The following KLHL24 variants were observed in gnomAD, a reference collection of about 807,000 sequenced individuals.
KLHL24 encodes the protein kelch like family member 24.
In KLHL24, 29 loss-of-function variants were observed where a neutral mutation model predicts 53.4. The observed-to-expected ratio is 0.54, with a 90% CI of 0.40 to 0.74. KLHL24 has a LOEUF of 0.74. KLHL24 is among the 30% of genes least tolerant of loss of function. The pLI, the probability that KLHL24 is intolerant of heterozygous loss-of-function variation, is 0.00. For synonymous variants in KLHL24, 222 were observed against 253.7 expected (o/e 0.88, Z 1.19); for missense variants, 504 against 744.0 (o/e 0.68, Z 3.75).
At chr3:183,641,230 C>T (rs1218835106) in intron 1 of KLHL24, among the ~76,000 whole-genome samples, 1 of 152,094 alleles carries the variant, frequency 6.6e-6, no homozygotes, top group Non-Finnish European at 1.5e-5. Context: ...CACAGTGGCT[C>T]ACGCCTGTAA....
chr3:183,665,297 A>G (rs1370498967), intron 5 of KLHL24, among the ~76,000 whole-genome samples: 1 of 152,214 alleles, frequency 6.6e-6, no homozygotes, highest in African/African-American at 2.4e-5. Context: ...CCAAATGCCT[A>G]AGAAGCATTG....
At chr3:183,647,808 A>G (rs558224883) in intron 2 of KLHL24, among the ~76,000 whole-genome samples, 4 of 152,170 alleles carry the variant, frequency 2.6e-5, no homozygotes, top group African/African-American at 4.8e-5. Flanking sequence ...GTTCAAGACC[A>G]GCCTAGCTAA....
At chr3:183,661,881 GATTA>G in intron 3 of KLHL24, among the ~76,000 whole-genome samples, 1 of 152,202 alleles carries the variant, frequency 6.6e-6, no homozygotes, top group Middle Eastern at 3.4e-3. Context: ...TGTTTTGATT[GATTA>G]ATAAATAAGA....
chr3:183,639,960 G>C (rs1337873448), intron 1 of KLHL24, among the ~76,000 whole-genome samples: 1 of 152,126 alleles, frequency 6.6e-6, no homozygotes, highest in Non-Finnish European at 1.5e-5. Context: ...GGGAGGTGGG[G>C]GTTGCAGTGA....
intron 5 of KLHL24, among the ~76,000 whole-genome samples, chr3:183,667,409 T>G (rs1351649323): frequency 6.6e-6 from 1 of 152,148 alleles, no homozygotes; most frequent in Non-Finnish European, 1.5e-5. Context: ...TGCACAGCAG[T>G]AGGTGAGCAG....
intron 1 of KLHL24, among the ~76,000 whole-genome samples, chr3:183,640,997 A>G (rs1716338573): frequency 6.6e-6 from 1 of 152,212 alleles, no homozygotes; most frequent in Non-Finnish European, 1.5e-5. Flanking sequence ...TTTAAACATT[A>G]CATTTGTAAA....
At position 183,650,718 on chromosome 3, in the gene KLHL24, TG is replaced by T; in HGVS notation, c.363del (p.Leu121PhefsTer9). ...GILAEAMECF[L>X]QYVYTGKVKI... ...TTAGCTGAAGCTATGGAATGTTTTT[TG>T]CAGTATGTTTATACTGGAAAGGTGA... On this transcript the variant is annotated frameshift_variant, in exon 3 of 8. Transcript: ENST00000242810. LOFTEE classifies it high-confidence loss of function. The surrounding 1 kb of genome is among the most constrained non-coding windows in gnomAD (Gnocchi z 4.5). 1 of 1,614,030 alleles carries T rather than the reference TG, an allele frequency of 6.2e-7. No homozygotes were observed. Among genetic ancestry groups the T allele is most frequent in the Non-Finnish European group, 8.5e-7 (1 of 1,179,968 alleles).
rs75133347 is a variant in KLHL24 at position 183,679,445 on chromosome 3, A to G, written c.*159A>G. On this transcript the variant is annotated 3_prime_UTR_variant, in exon 8 of 8. Coordinates refer to ENST00000242810, the MANE Select transcript of KLHL24 (RefSeq NM_017644.3). ...CCTCAAAATATCAATCTTTCAAACT[A>G]TAATAAAGCCTTTCCTATAATTGAA... is the stretch of plus-strand genomic sequence containing the variant. The G allele has an allele frequency of 0.023, 14,137 of 605,952 alleles. 1,554 individuals are homozygous for G. The African/African-American group carries it at 0.23, about 10-fold the overall frequency. 37.5% of individuals were successfully genotyped at this position (605,952 alleles called of 1,614,324 possible). A position where few individuals can be genotyped will look rare whatever the true frequency, so the allele number is the denominator to read the frequency against.
chr3:183,676,279 G>A (rs1711840146), intron 7 of KLHL24, among the ~76,000 whole-genome samples: 3 of 152,064 alleles, frequency 2.0e-5, no homozygotes, highest in Admixed American at 2.0e-4. Flanking sequence ...TATTTTTAGT[G>A]GAGACAGGGT....
intron 3 of KLHL24, among the ~76,000 whole-genome samples, chr3:183,661,619 A>G (rs1021145683): frequency 6.6e-6 from 1 of 152,198 alleles, no homozygotes; most frequent in East Asian, 1.9e-4. Flanking sequence ...CCCTTTATTT[A>G]TTGGTACTAA....
chr3:183,668,996 T>G lies in KLHL24; in HGVS notation c.1225-2038T>G, dbSNP rs368127867. 1.4e-4 allele frequency among the ~76,000 whole-genome samples: 22 copies of G among 152,030 alleles called. 1 individual carries two copies. Among genetic ancestry groups the G allele is most frequent in the Admixed American group, 9.2e-4 (14 of 15,254 alleles). ...CATCTTATAAATAACCCCAAAGAGA[T>G]CAAGTCACTTCCCAAGATTACACAA... On this transcript the variant is annotated intron_variant, in intron 5 of 7. Coordinates refer to ENST00000242810, the MANE Select transcript of KLHL24 (RefSeq NM_017644.3).
chr3:183,666,573 A>AT (rs1720595913), intron 5 of KLHL24, among the ~76,000 whole-genome samples: 1 of 151,988 alleles, frequency 6.6e-6, no homozygotes, highest in Admixed American at 6.6e-5. Flanking sequence ...AATATTTTGG[A>AT]TTTTTTTCAT....
chr3:183,639,523 G>C (rs922350656), intron 1 of KLHL24, among the ~76,000 whole-genome samples: 7 of 149,830 alleles, frequency 4.7e-5, no homozygotes, highest in African/African-American at 1.7e-4. Flanking sequence ...CCAGCTACTC[G>C]GGAGGCTGAG....
At chr3:183,651,624 T>C (rs9812002) in intron 3 of KLHL24, among the ~76,000 whole-genome samples, 149,719 of 152,324 alleles carry the variant, frequency 0.98, 73,601 homozygotes, top group East Asian at 1. Context: ...GTAGCTAAGA[T>C]TTTAGTAGGC....
At chr3:183,674,291 C>CT (rs1392440184) in intron 7 of KLHL24, among the ~76,000 whole-genome samples, 6 of 149,098 alleles carry the variant, frequency 4.0e-5, no homozygotes, top group Admixed American at 2.7e-4. Flanking sequence ...TTCTTTCTTT[C>CT]TTTCTTTCTT....
Position 183,679,413 on chromosome 3 carries a change from C to A in KLHL24, c.*127C>A. 4.7e-6 allele frequency: 3 copies of A among 644,458 alleles called. No homozygotes were observed. Among genetic ancestry groups the A allele is most frequent in the Non-Finnish European group, 7.9e-6 (3 of 379,772 alleles). The allele number at this position is 644,458 out of a possible 1,614,324, so 39.9% of individuals were successfully genotyped here. A position where few individuals can be genotyped will look rare whatever the true frequency, so the allele number is the denominator to read the frequency against. On this transcript the variant is annotated 3_prime_UTR_variant, in exon 8 of 8. Transcript: ENST00000242810. The stretch of plus-strand genomic sequence containing the variant: ...AAATAGTAAAAATAATAATTTGGTG[C>A]CTTTCTCCTCAAAATATCAATCTTT...
At chr3:183,678,995 A>C (rs868348882) in intron 7 of KLHL24, 91 bp from the exon 8 acceptor site, 13 of 957,688 alleles carry the variant, frequency 1.4e-5, no homozygotes, top group Non-Finnish European at 2.1e-5. Context: ...CTTTTTTTTG[A>C]CTGTGCTAAA....
At chr3:183,670,344 A>G (rs1006847572) in intron 5 of KLHL24, among the ~76,000 whole-genome samples, 1 of 152,138 alleles carries the variant, frequency 6.6e-6, no homozygotes, top group African/African-American at 2.4e-5. Context: ...TCCCTATATA[A>G]ACCATGGATT....
chr3:183,658,167 C>T lies in KLHL24; in HGVS notation c.921-5291C>T, dbSNP rs941972220. On this transcript the variant is annotated intron_variant, in intron 3 of 7. Coordinates refer to ENST00000242810, the MANE Select transcript of KLHL24 (RefSeq NM_017644.3). ...CTCAGAGGTTGCAGTGAGCTGAGAT[C>T]GCACCATTGCACTCTAGCCTGGATG... is the stretch of plus-strand genomic sequence containing the variant. 4.7e-5 allele frequency among the ~76,000 whole-genome samples: 7 copies of T among 149,814 alleles called. No individual in the cohort carries two copies. In the East Asian group the frequency reaches 1.4e-3, roughly 29 times the overall value.
Sources: gnomAD v4.1 joint callset for allele counts (sites outside exome capture counted in the v4.1 genomes callset) on GRCh38, gnomAD v4.1.1 for gene constraint, Gnocchi (gnomAD v3.1) non-coding constraint, MANE v1.5 for transcripts, NCBI Gene and HGNC (gene_info 2026-07-23, HGNC 2026-07-21) for gene names.